Variants in NUBPL observed in about 807,000 individuals in gnomAD.
NUBPL encodes NUBP iron-sulfur cluster assembly factor, mitochondrial, also known as iron-sulfur cluster transfer protein NUBPL.
Under a neutral mutation model 45.7 loss-of-function variants are expected in NUBPL, and 31 were observed. The ratio of observed to expected loss-of-function variants is 0.68; its 90% confidence interval spans 0.51 to 0.92. The LOEUF (loss-of-function observed/expected upper bound fraction) is 0.92. Among genes scored for constraint, NUBPL ranks in the 40% least tolerant of loss-of-function variants. The pLI is 0.00. For synonymous variants in NUBPL, 144 were observed against 140.9 expected (o/e 1.02, Z -0.15); for missense variants, 401 against 398.7 (o/e 1.01, Z -0.05).
At chr14:31,580,233 A>C (rs1221894987) in intron 3 of NUBPL, among the ~76,000 whole-genome samples, 1 of 152,210 alleles carries the variant, frequency 6.6e-6, no homozygotes, top group African/African-American at 2.4e-5. Context: ...TTCTGTTCTT[A>C]AGGAGTTTAA....
intron 6 of NUBPL, among the ~76,000 whole-genome samples, chr14:31,734,952 C>A (rs371243343): frequency 1.5e-4 from 23 of 152,254 alleles, no homozygotes; most frequent in African/African-American, 5.1e-4. Context: ...TAGTCCCTAC[C>A]ATGCTAACTC....
chr14:31,693,965 C>T (rs2037156982), intron 6 of NUBPL, among the ~76,000 whole-genome samples: 1 of 150,280 alleles, frequency 6.7e-6, no homozygotes, highest in South Asian at 2.1e-4. Flanking sequence ...ACACCATTCT[C>T]CTGCCTCAGC....
chr14:31,815,223 G>A (rs142079243), intron 7 of NUBPL, among the ~76,000 whole-genome samples: 9,544 of 151,904 alleles, frequency 0.063, 408 homozygotes, highest in Non-Finnish European at 0.091. Flanking sequence ...CTTGAGCAGC[G>A]GTTTGTAGTT....
intron 6 of NUBPL, among the ~76,000 whole-genome samples, chr14:31,688,514 A>T (rs1302305544): frequency 6.8e-6 from 1 of 147,832 alleles, no homozygotes; most frequent in Admixed American, 6.8e-5. Flanking sequence ...AAGGCCGAGG[A>T]GGTTGCAGTG....
At chr14:31,562,526 A>G (rs1236426685) in intron 2 of NUBPL, among the ~76,000 whole-genome samples, 1 of 152,020 alleles carries the variant, frequency 6.6e-6, no homozygotes, top group Non-Finnish European at 1.5e-5. Flanking sequence ...GCACAAGCTA[A>G]CCACTTAGCT....
intron 6 of NUBPL, among the ~76,000 whole-genome samples, chr14:31,758,172 C>A (rs2038714613): frequency 6.6e-6 from 1 of 152,110 alleles, no homozygotes. Context: ...GTGATGCTGT[C>A]TTCTTGACTA....
intron 6 of NUBPL, among the ~76,000 whole-genome samples, chr14:31,730,389 G>A (rs999562380): frequency 6.6e-6 from 1 of 151,896 alleles, no homozygotes; most frequent in Non-Finnish European, 1.5e-5. Flanking sequence ...CAGGGTAGCA[G>A]TGAATTAATG....
At chr14:31,825,693 TTTC>T (rs373011864) in intron 7 of NUBPL, among the ~76,000 whole-genome samples, 11,055 of 151,266 alleles carry the variant, frequency 0.073, 452 homozygotes, top group Non-Finnish European at 0.091. Context: ...TCTTTTGTTC[TTTC>T]TTCTTCATCT....
intron 6 of NUBPL, among the ~76,000 whole-genome samples, chr14:31,705,821 G>A (rs1264180071): frequency 6.6e-6 from 1 of 152,070 alleles, no homozygotes; most frequent in African/African-American, 2.4e-5. Flanking sequence ...CCTAGCCCGG[G>A]CACTCTGGCA....
chr14:31,834,507 A>G (rs1050365776), intron 8 of NUBPL, among the ~76,000 whole-genome samples: 2 of 152,128 alleles, frequency 1.3e-5, no homozygotes, highest in Non-Finnish European at 2.9e-5. Context: ...ATTTATTTGT[A>G]AAGGTTAAGG....
intron 7 of NUBPL, among the ~76,000 whole-genome samples, chr14:31,820,207 A>AT (rs2039994068): frequency 6.6e-6 from 1 of 151,998 alleles, no homozygotes; most frequent in Non-Finnish European, 1.5e-5. Context: ...TGAGATAGGC[A>AT]TTTTTCCCTC....
At chr14:31,803,889 C>T (rs2039637170) in intron 7 of NUBPL, among the ~76,000 whole-genome samples, 1 of 152,132 alleles carries the variant, frequency 6.6e-6, no homozygotes, top group Admixed American at 6.6e-5. Context: ...ATGCCATTTA[C>T]TAAATGCTTT....
chr14:31,696,712 A>G (rs2037222064), intron 6 of NUBPL, among the ~76,000 whole-genome samples: 1 of 152,186 alleles, frequency 6.6e-6, no homozygotes, highest in Admixed American at 6.5e-5. Flanking sequence ...AGAGAGGTAG[A>G]CCTTTCCCTG....
chr14:31,806,128 A>C (rs1417098236), intron 7 of NUBPL, among the ~76,000 whole-genome samples: 1 of 152,200 alleles, frequency 6.6e-6, no homozygotes, highest in African/African-American at 2.4e-5. Context: ...AAATTTGATC[A>C]GGATCTGAAA....
chr14:31,715,123 T>C (rs1285170627), intron 6 of NUBPL, among the ~76,000 whole-genome samples: 4 of 152,228 alleles, frequency 2.6e-5, no homozygotes, highest in African/African-American at 9.7e-5. Flanking sequence ...TTCCTGTATA[T>C]ACTTTTCAAT....
chr14:31,818,209 G>A (rs1255719235), intron 7 of NUBPL, among the ~76,000 whole-genome samples: 1 of 152,066 alleles, frequency 6.6e-6, no homozygotes, highest in Non-Finnish European at 1.5e-5. Context: ...AATAATAGTG[G>A]GAGACTTTAG....
intron 6 of NUBPL, among the ~76,000 whole-genome samples, chr14:31,751,474 G>T (rs2038528280): frequency 6.6e-6 from 1 of 152,248 alleles, no homozygotes; most frequent in Admixed American, 6.5e-5. Flanking sequence ...CTGAAACCTG[G>T]CAGGGCACCC....
intron 6 of NUBPL, among the ~76,000 whole-genome samples, chr14:31,764,387 G>T (rs2038873116): frequency 6.6e-6 from 1 of 152,152 alleles, no homozygotes; most frequent in South Asian, 2.1e-4. Flanking sequence ...TGAGGGTAGG[G>T]ACTTCAGGGA....
chr14:31,658,072 A>G (rs1276342850), intron 4 of NUBPL, among the ~76,000 whole-genome samples: 2 of 152,238 alleles, frequency 1.3e-5, no homozygotes, highest in South Asian at 2.1e-4. Flanking sequence ...TATTAATTAC[A>G]GAGTAACTTG....
Sources: allele counts gnomAD v4.1 joint callset (sites outside exome capture counted in the v4.1 genomes callset), GRCh38; gene constraint gnomAD v4.1.1; transcripts MANE v1.5; gene names NCBI Gene and HGNC (gene_info 2026-07-23, HGNC 2026-07-21).